Variants in ADGRG4 observed in about 807,000 individuals in gnomAD.
ADGRG4 encodes the protein adhesion G protein-coupled receptor G4.
ADGRG4 carries 122 observed loss-of-function variants against 126.2 expected under a neutral mutation model. The ratio of observed to expected loss-of-function variants is 0.97; its 90% CI spans 0.83 to 1.12. The LOEUF (loss-of-function observed/expected upper bound fraction) is 1.12, where lower values mean the gene tolerates loss of function less well. ADGRG4 is among the 50% of genes most tolerant of loss of function. The probability of loss-of-function intolerance (pLI) is 0.00; values close to 1 mark genes in which losing one functional copy is unlikely to be tolerated. For missense variants in ADGRG4, 2,481 were observed against 2,251.8 expected (o/e 1.10, Z -2.06); for synonymous variants, 943 against 838.7 (o/e 1.12, Z -2.15).
At chrX:136,302,302 C>T (rs1371449915) in intron 1 of ADGRG4, among the ~76,000 whole-genome samples, 1 of 111,738 alleles carries the variant, frequency 8.9e-6, no homozygotes. Flanking sequence ...CCTTCACATT[C>T]CTTGTAAGTT....
In ADGRG4 at chrX:136,348,966, A is replaced by G; in HGVS notation, c.5260A>G (p.Thr1754Ala). The change falls in exon 6 of 26, where the codon ACT becomes GCT. Residue 1754 changes from threonine to alanine, a missense_variant. Thr to Ala is a moderately conservative substitution (Grantham distance 58, BLOSUM62 0). Coordinates refer to ENST00000394143, the MANE Select transcript of ADGRG4 (RefSeq NM_153834.4). ...TGTTCCTGAAAATATGCTTTCACCTACTCATGCAGATAGTCTCCATACTTC... is the reference window on the plus strand; with the variant it reads ...TGTTCCTGAAAATATGCTTTCACCTGCTCATGCAGATAGTCTCCATACTTC... ...ITVPENMLSP[T>A]HADSLHTSFN... 1 of 1,208,521 alleles carries G rather than the reference A, an allele frequency of 8.3e-7. No individual in the cohort carries two copies. The highest frequency in any genetic ancestry group is 1.7e-5 in the African/African-American group (1 of 57,464).
chrX:136,332,401 A>T (rs1476201461), intron 5 of ADGRG4, among the ~76,000 whole-genome samples: 1 of 101,772 alleles, frequency 9.8e-6, no homozygotes, highest in Non-Finnish European at 2.0e-5. Flanking sequence ...AATCCAGTCT[A>T]TCGTTGTTGG....
At position 136,346,981 on chromosome X, in the gene ADGRG4, C is replaced by G. The variant is rs767463033; in HGVS notation, c.3275C>G (p.Thr1092Arg). 1 of 1,209,965 alleles carries G rather than the reference C, an allele frequency of 8.3e-7. No homozygotes were observed. The highest frequency in any genetic ancestry group is 1.8e-5 in the South Asian group (1 of 56,968). Residue 1092 changes from threonine to arginine, a missense_variant, in exon 6 of 26, where the codon ACG becomes AGG. Thr to Arg is a moderately conservative substitution (Grantham distance 71). Coordinates refer to ENST00000394143, the MANE Select transcript of ADGRG4 (RefSeq NM_153834.4). ...GDLIRTTSEA[T>R]VISVRKTSMA... is the part of the protein sequence containing the mutation. ...TTGATTCGTACCACTTCAGAGGCCACGGTAATCTCTGTCAGGAAGACATCC... is the reference window on the plus strand; with the variant it reads ...TTGATTCGTACCACTTCAGAGGCCAGGGTAATCTCTGTCAGGAAGACATCC...
At chrX:136,374,682 G>A (rs180866290) in intron 15 of ADGRG4, among the ~76,000 whole-genome samples, 6 of 111,337 alleles carry the variant, frequency 5.4e-5, no homozygotes, top group Admixed American at 3.8e-4. Flanking sequence ...CACCCACCTC[G>A]GCCTTCCAAA....
At chrX:136,303,038 G>A (rs2074712035) in intron 1 of ADGRG4, among the ~76,000 whole-genome samples, 1 of 111,879 alleles carries the variant, frequency 8.9e-6, no homozygotes, top group African/African-American at 3.2e-5. Context: ...TTAAAAGCAT[G>A]AGCCTGGTGC....
At chrX:136,360,795 C>A (rs1197379335) in intron 11 of ADGRG4, among the ~76,000 whole-genome samples, 1 of 110,681 alleles carries the variant, frequency 9.0e-6, no homozygotes. Flanking sequence ...ATGTCAGATA[C>A]ACTGAATTTA....
intron 5 of ADGRG4, among the ~76,000 whole-genome samples, chrX:136,337,017 T>C (rs2074951779): frequency 9.0e-6 from 1 of 110,966 alleles, no homozygotes; most frequent in Non-Finnish European, 1.9e-5. Context: ...AGCAGTGGAG[T>C]GCAGTGGTAT....
rs183601933 is a variant in ADGRG4, at chrX:136,366,069, G to A, written c.7396+2474G>A. Reference sequence around the variant, plus strand: ...CAATAGTTCATAGTTTTACATTAGCGTTCACTCTTGCTATTGTACATTCTG... The same window carrying A: ...CAATAGTTCATAGTTTTACATTAGCATTCACTCTTGCTATTGTACATTCTG... On this transcript the variant is annotated intron_variant, in intron 13 of 25. Transcript: ENST00000394143. Among the ~76,000 whole-genome samples the A allele has an allele frequency of 2.9e-4, 32 of 111,742 alleles. No homozygotes were observed. In the East Asian group the frequency reaches 8.4e-3, roughly 29 times the overall value.
At chrX:136,302,757 A>G (rs2074709913) in intron 1 of ADGRG4, among the ~76,000 whole-genome samples, 1 of 111,969 alleles carries the variant, frequency 8.9e-6, no homozygotes, top group Non-Finnish European at 1.9e-5. Context: ...ACAGGTAATA[A>G]TAGCTAATAC....
intron 24 of ADGRG4, among the ~76,000 whole-genome samples, chrX:136,413,696 A>G (rs2075459491): frequency 9.0e-6 from 1 of 110,546 alleles, no homozygotes; most frequent in Non-Finnish European, 1.9e-5. Flanking sequence ...AGGTACCCGG[A>G]ATGAACACTG....
intron 12 of ADGRG4, 81 bp from the exon 13 acceptor site, chrX:136,363,396 G>A (rs1247774432): frequency 1.5e-6 from 1 of 680,284 alleles, no homozygotes; most frequent in Non-Finnish European, 2.4e-6. Context: ...GAGAAGGCAT[G>A]CTAAGGCTAT....
chrX:136,374,020 CA>C (rs1204431706), intron 15 of ADGRG4, among the ~76,000 whole-genome samples: 1 of 111,653 alleles, frequency 9.0e-6, no homozygotes, highest in Non-Finnish European at 1.9e-5. Context: ...GTGCCCTTTC[CA>C]AGTGAAGCTC....
At chrX:136,303,196 T>A (rs1462333935) in intron 1 of ADGRG4, among the ~76,000 whole-genome samples, 1 of 111,707 alleles carries the variant, frequency 9.0e-6, no homozygotes, top group Non-Finnish European at 1.9e-5. Context: ...GGTGGATGCC[T>A]GTGGTCCCAG....
At chrX:136,386,798 A>G (rs1448333540) in intron 15 of ADGRG4, among the ~76,000 whole-genome samples, 2 of 112,382 alleles carry the variant, frequency 1.8e-5, no homozygotes, top group African/African-American at 3.2e-5. Context: ...TTGACTCTCA[A>G]AAATGTTCCA....
Position 136,323,028 on chromosome X carries a change from C to T in ADGRG4, c.321C>T (p.Thr107=). ...QQLILYRLGK[T]FSIRHHLASF... Reference sequence around the variant, plus strand: ...TAATACTATACAGATTGGGAAAGACCTTTTCTATCCGTCACCACCTGGCTT... The same window carrying T: ...TAATACTATACAGATTGGGAAAGACTTTTTCTATCCGTCACCACCTGGCTT... Residue 107 remains threonine, a synonymous_variant, in exon 5 of 26, where the codon ACC becomes ACT. Transcript: ENST00000394143. 1 of 1,211,481 alleles carries T rather than the reference C, an allele frequency of 8.3e-7. No individual in the cohort carries two copies.
At position 136,373,075 on chromosome X, in the gene ADGRG4, C is replaced by T. The variant is rs1261778994; in HGVS notation, c.7776+11C>T. On this transcript the variant is annotated intron_variant, in intron 15 of 25. Transcript: ENST00000394143. ...GGCACAGACCCTGAGGTGAGTGCAG[C>T]TCAGGGAACTGAGAGCCAATCAGCC... 3 of 1,179,491 alleles carry T rather than the reference C, an allele frequency of 2.5e-6. No individual in the cohort carries two copies. Among genetic ancestry groups the T allele is most frequent in the Non-Finnish European group, 3.4e-6 (3 of 877,946 alleles).
intron 3 of ADGRG4, among the ~76,000 whole-genome samples, chrX:136,306,866 C>G (rs2074737108): frequency 9.0e-6 from 1 of 110,815 alleles, no homozygotes; most frequent in Non-Finnish European, 1.9e-5. Context: ...AGGCATGCGC[C>G]ACCATGCCCG....
intron 24 of ADGRG4, 27 bp from the exon 25 acceptor site, chrX:136,414,133 T>G: frequency 8.8e-7 from 1 of 1,141,438 alleles, no homozygotes; most frequent in South Asian, 2.1e-5. Context: ...AGTTTTATAT[T>G]TTTAACTTTT....
At chrX:136,352,074 C>A (rs1243423179) in intron 7 of ADGRG4, among the ~76,000 whole-genome samples, 1 of 111,655 alleles carries the variant, frequency 9.0e-6, no homozygotes, top group East Asian at 2.8e-4. Flanking sequence ...CTGCTCTGTG[C>A]ATTAACTCCT....
Sources: gnomAD v4.1 joint callset for allele counts (sites outside exome capture counted in the v4.1 genomes callset) on GRCh38, gnomAD v4.1.1 for gene constraint, MANE v1.5 for transcripts, NCBI Gene and HGNC (gene_info 2026-07-23, HGNC 2026-07-21) for gene names.